SLC44A5: variants seen among roughly 807,000 people sequenced by gnomAD.
SLC44A5 encodes solute carrier family 44 member 5.
In SLC44A5, 57 loss-of-function variants were observed where a neutral mutation model predicts 101.8. That is an observed-to-expected ratio of 0.56 (90% confidence interval 0.45 to 0.70). SLC44A5 has a LOEUF of 0.70. Among genes scored for constraint, SLC44A5 ranks in the 30% least tolerant of loss-of-function variants. The pLI, the probability that SLC44A5 is intolerant of heterozygous loss-of-function variation, is 0.00. For synonymous variants in SLC44A5, 281 were observed against 290.9 expected (o/e 0.97, Z 0.35); for missense variants, 737 against 853.1 (o/e 0.86, Z 1.70).
At chr1:75,455,906 G>A (rs1357665019) in intron 2 of SLC44A5, among the ~76,000 whole-genome samples, 1 of 152,092 alleles carries the variant, frequency 6.6e-6, no homozygotes, top group Non-Finnish European at 1.5e-5. Flanking sequence ...AAACACTCTT[G>A]GTAGGAATGT....
intron 4 of SLC44A5, among the ~76,000 whole-genome samples, chr1:75,314,663 G>T (rs1655556263): frequency 6.6e-6 from 1 of 152,080 alleles, no homozygotes; most frequent in African/African-American, 2.4e-5. Context: ...TGGTAACTGG[G>T]ACTCCTAGGC....
chr1:75,613,687 C>T (rs1284177463), upstream of SLC44A5, among the ~76,000 whole-genome samples: 1 of 152,130 alleles, frequency 6.6e-6, no homozygotes, highest in Non-Finnish European at 1.5e-5. Flanking sequence ...TTATTGAGAC[C>T]ACATGTCGTA....
At chr1:75,697,605 G>A in the SLC44A5 span, among the ~76,000 whole-genome samples, 3 of 152,124 alleles carry the variant, frequency 2.0e-5, no homozygotes, top group African/African-American at 4.8e-5. Context: ...TGAGCAACAC[G>A]GCGAAACTGT....
At chr1:75,701,397 A>T in the SLC44A5 span, among the ~76,000 whole-genome samples, 1 of 152,118 alleles carries the variant, frequency 6.6e-6, no homozygotes, top group Non-Finnish European at 1.5e-5. Context: ...CAGAACCAAC[A>T]ACAAAAACCA....
At chr1:75,663,490 G>C in the SLC44A5 span, among the ~76,000 whole-genome samples, 1 of 152,066 alleles carries the variant, frequency 6.6e-6, no homozygotes. Flanking sequence ...AACAGACTAA[G>C]ACACCATTTC....
At chr1:75,635,947 G>A in the SLC44A5 span, among the ~76,000 whole-genome samples, 1 of 151,992 alleles carries the variant, frequency 6.6e-6, no homozygotes, top group Non-Finnish European at 1.5e-5. Context: ...TGGGGTACAA[G>A]TGTAAATTTG....
At chr1:75,713,549 T>C in the SLC44A5 span, among the ~76,000 whole-genome samples, 1 of 152,200 alleles carries the variant, frequency 6.6e-6, no homozygotes, top group South Asian at 2.1e-4. Context: ...TTATATCATA[T>C]GCCCATGGGT....
intron 1 of SLC44A5, among the ~76,000 whole-genome samples, chr1:75,604,547 A>G (rs1251398142): frequency 6.6e-6 from 1 of 151,894 alleles, no homozygotes; most frequent in African/African-American, 2.4e-5. Flanking sequence ...GTTTTTTCTG[A>G]TTCTGTGAAA....
chr1:75,238,236 A>C (rs1430385918), intron 10 of SLC44A5, among the ~76,000 whole-genome samples: 1 of 150,418 alleles, frequency 6.6e-6, no homozygotes, highest in Non-Finnish European at 1.5e-5. Context: ...TGGAGGTTGC[A>C]GTGAGCTGAG....
chr1:75,475,417 G>A (rs890372050), intron 2 of SLC44A5, among the ~76,000 whole-genome samples: 1 of 152,172 alleles, frequency 6.6e-6, no homozygotes, highest in African/African-American at 2.4e-5. Context: ...ATTAGCGATT[G>A]AGTTTAAACT....
chr1:75,215,235 G>T (rs1341764318), intron 19 of SLC44A5, among the ~76,000 whole-genome samples: 2 of 143,196 alleles, frequency 1.4e-5, no homozygotes, highest in African/African-American at 5.3e-5. Context: ...AAGGTTAGAA[G>T]AATTATATTT....
chr1:75,678,070 C>T, the SLC44A5 span, among the ~76,000 whole-genome samples: 10 of 152,336 alleles, frequency 6.6e-5, no homozygotes, highest in South Asian at 1.0e-3. Flanking sequence ...TAGAAAACGG[C>T]GCACCACGAG....
chr1:75,440,384 C>T (rs889592356), intron 2 of SLC44A5, among the ~76,000 whole-genome samples: 3 of 151,950 alleles, frequency 2.0e-5, no homozygotes, highest in Non-Finnish European at 2.9e-5. Context: ...ATTCAAAGGC[C>T]ATGTGGTAGC....
At chr1:75,573,822 T>C (rs1174500607) in intron 1 of SLC44A5, among the ~76,000 whole-genome samples, 1 of 152,156 alleles carries the variant, frequency 6.6e-6, no homozygotes, top group Non-Finnish European at 1.5e-5. Context: ...AAGATATTTT[T>C]CCTCCTCCTA....
intron 23 of SLC44A5, chr1:75,206,797 G>A (rs563329930): frequency 1.3e-5 from 11 of 821,654 alleles, no homozygotes; most frequent in East Asian, 2.6e-5. Flanking sequence ...TTGGAGGGTC[G>A]AACAGGGAAA....
chr1:75,471,126 A>T lies in SLC44A5; in HGVS notation c.13+70309T>A, dbSNP rs1667084648. On this transcript the variant is annotated intron_variant, in intron 2 of 23. Coordinates refer to ENST00000370859, the MANE Select transcript of SLC44A5 (RefSeq NM_001130058.2). ...GTATTTTCTCAGTGATTCGTTGAAG[A>T]TCTATTTTTTAACCTTTTTTTTACG... Among the ~76,000 whole-genome samples, 5 of 152,098 alleles carry T rather than the reference A, an allele frequency of 3.3e-5. No homozygotes were observed. In the South Asian group the frequency reaches 1.0e-3, roughly 32 times the overall value.
intron 4 of SLC44A5, among the ~76,000 whole-genome samples, chr1:75,314,263 G>A (rs1655528077): frequency 6.6e-6 from 1 of 152,088 alleles, no homozygotes; most frequent in Admixed American, 6.6e-5. Flanking sequence ...ACTAGACTTA[G>A]AGAATTTACC....
chr1:75,710,996 T>C, the SLC44A5 span, among the ~76,000 whole-genome samples: 1 of 152,224 alleles, frequency 6.6e-6, no homozygotes, highest in Non-Finnish European at 1.5e-5. Context: ...AGTTTCTGTT[T>C]CTCTATAACT....
chr1:75,541,530 A>G lies in SLC44A5; in HGVS notation c.-69-14T>C. ...TTAGAAAAGAGTCTGTGATAAAAACAAGTATGAAGATAGTTACCTAAAGCA... is the reference window on the plus strand; with the variant it reads ...TTAGAAAAGAGTCTGTGATAAAAACGAGTATGAAGATAGTTACCTAAAGCA... On this transcript the variant is annotated splice_polypyrimidine_tract_variant and intron_variant, in intron 1 of 23. Transcript: ENST00000370859. 1 of 1,581,326 alleles carries G rather than the reference A, an allele frequency of 6.3e-7. No homozygotes were observed. Among genetic ancestry groups the G allele is most frequent in the Non-Finnish European group, 8.6e-7 (1 of 1,162,546 alleles).
Sources: gnomAD v4.1 joint callset for allele counts (sites outside exome capture counted in the v4.1 genomes callset) on GRCh38, gnomAD v4.1.1 for gene constraint, MANE v1.5 for transcripts, NCBI Gene and HGNC (gene_info 2026-07-23, HGNC 2026-07-21) for gene names.